PIPOX: variants seen among roughly 807,000 people sequenced by gnomAD.
PIPOX encodes the protein pipecolic acid and sarcosine oxidase, also known as peroxisomal sarcosine oxidase.
Under a neutral mutation model 47.9 loss-of-function variants are expected in PIPOX, and 45 were observed. The observed-to-expected ratio is 0.94, with a 90% confidence interval of 0.74 to 1.20. The LOEUF (loss-of-function observed/expected upper bound fraction) is 1.20, where lower values mean the gene tolerates loss of function less well. PIPOX is among the 50% of genes most tolerant of loss of function. The pLI is 0.00. For synonymous variants in PIPOX, 165 were observed against 191.3 expected (o/e 0.86, Z 1.13); for missense variants, 458 against 498.4 (o/e 0.92, Z 0.77).
chr17:29,044,737 G>A, intron 1 of PIPOX, 122 bp from the exon 2 acceptor site: 1 of 1,012,370 alleles, frequency 9.9e-7, no homozygotes, highest in Non-Finnish European at 1.4e-6. Context: ...TCCCCAGATT[G>A]TGTGGAAATA....
rs201028016 is a variant in PIPOX, at chr17:29,053,526, C to T, written c.591C>T (p.Ser197=). ...CCTCCAGGAGCTACCAAGCTAAGAG[C>T]TTGGTCATCACAGCAGGTCCTTGGA... ...KTTSRSYQAK[S]LVITAGPWTN... The change falls in exon 4 of 8, where the codon AGC becomes AGT. Residue 197 remains serine, a synonymous_variant. Transcript: ENST00000323372. 5.3e-5 allele frequency: 85 copies of T among 1,613,926 alleles called. No homozygotes were observed. Among genetic ancestry groups the T allele is most frequent in the Middle Eastern group, 1.6e-4 (1 of 6,082 alleles).
At chr17:29,044,278 T>C (rs764692839) in intron 1 of PIPOX, 1 of 152,134 alleles carries the variant, frequency 6.6e-6, no homozygotes, top group Non-Finnish European at 1.5e-5. Flanking sequence ...CTGGAAGGTT[T>C]TTTCTAATTT....
In PIPOX at chr17:29,056,252, T is replaced by G; in HGVS notation, c.1120T>G (p.Leu374Val). ...CATGAAATTAACACCATCTTATGAC[T>G]TGGCACCTTTTCGAATCAGCCGTTT... ...LSMKLTPSYDLAPFRISRFPS... is the reference protein window; with the variant it reads ...LSMKLTPSYDVAPFRISRFPS... The change falls in exon 8 of 8, where the codon TTG becomes GTG. Residue 374 changes from leucine (L) to valine (V), a missense_variant. By Grantham distance (32) the Leu-to-Val change is conservative. Coordinates refer to ENST00000323372, the MANE Select transcript of PIPOX (RefSeq NM_016518.3). 1.2e-6 allele frequency: 2 copies of G among 1,614,190 alleles called. No individual in the cohort carries two copies. The highest frequency in any genetic ancestry group is 1.7e-6 in the Non-Finnish European group (2 of 1,180,028).
At chr17:29,045,131 T>C in intron 2 of PIPOX, 124 bp downstream of exon 2, 10 of 1,072,058 alleles carry the variant, frequency 9.3e-6, no homozygotes, top group East Asian at 5.1e-5. Context: ...CCTCAAGAAG[T>C]ACCAGATGCA....
intron 1 of PIPOX, 76 bp from the exon 2 acceptor site, chr17:29,044,783 G>C (rs1230109455): frequency 9.1e-6 from 13 of 1,434,064 alleles, no homozygotes; most frequent in Non-Finnish European, 1.2e-5. Context: ...GACAGCACAT[G>C]CTGATATGGC....
At chr17:29,045,129 A>G in intron 2 of PIPOX, 122 bp downstream of exon 2, 1 of 1,094,062 alleles carries the variant, frequency 9.1e-7, no homozygotes, top group Non-Finnish European at 1.3e-6. Context: ...GGCCTCAAGA[A>G]GTACCAGATG....
At chr17:29,054,080 GCTGAGCCCAGGAGGCTGGC>G (rs2065817601) in intron 4 of PIPOX, among the ~76,000 whole-genome samples, 2 of 152,232 alleles carry the variant, frequency 1.3e-5, no homozygotes, top group South Asian at 2.1e-4. Context: ...TACTTGGGAG[GCTGAGCCCAGGAGGCTGGC>G]CTGAGCCCAG....
Position 29,053,453 on chromosome 17 carries a change from A to G in PIPOX, c.518A>G (p.Glu173Gly), listed in dbSNP as rs536755293. The G allele has an allele frequency of 1.9e-6, 3 of 1,614,042 alleles. No homozygotes were observed. The highest frequency in any genetic ancestry group is 1.7e-5 in the Admixed American group (1 of 59,996). The stretch of plus-strand genomic sequence containing the variant: ...CTAGGAGGCATAGTGCGTGACGGAG[A>G]GAAGGTGGTGGAGATAAACCCAGGG... The part of the protein sequence containing the change: ...RQLGGIVRDG[E>G]KVVEINPGLL... Residue 173 changes from glutamate (E) to glycine (G), a missense_variant, in exon 4 of 8, where the codon GAG (glutamate) becomes GGG (glycine). By Grantham distance (98) the Glu-to-Gly change is moderately conservative (BLOSUM62 -2). Coordinates refer to ENST00000323372, the MANE Select transcript of PIPOX (RefSeq NM_016518.3).
Position 29,054,632 on chromosome 17 carries a change from G to A in PIPOX, c.748G>A (p.Gly250Ser). 6.2e-7 allele frequency: 1 copy of A among 1,614,204 alleles called. No homozygotes were observed. ...GGCCTTTCCGTGCTTCCTGTGGCTG[G>A]GCTTGTGTCCCCACCACATCTACGG... ...SQAFPCFLWL[G>S]LCPHHIYGLP... The change falls in exon 5 of 8, where the codon GGC (glycine) becomes AGC (serine). Residue 250 changes from glycine (G) to serine (S), a missense_variant. By Grantham distance (56) the Gly-to-Ser change is moderately conservative. Coordinates refer to ENST00000323372, the MANE Select transcript of PIPOX (RefSeq NM_016518.3).
In PIPOX at chr17:29,043,156, C is replaced by A; in HGVS notation, c.-70C>A. 3 of 1,263,860 alleles carry A rather than the reference C, an allele frequency of 2.4e-6. No homozygotes were observed. The highest frequency in any genetic ancestry group is 1.5e-5 in the African/African-American group (1 of 68,172). The allele number at this position is 1,263,860 out of a possible 1,614,324, so 78.3% of individuals were successfully genotyped here. ...GCTGGACTTTGCCTTCCTCCTCGTCCTTTAGCCGGGAGCCTGTCTTTGCTT... is the reference window on the plus strand; with the variant it reads ...GCTGGACTTTGCCTTCCTCCTCGTCATTTAGCCGGGAGCCTGTCTTTGCTT... On this transcript the variant is annotated 5_prime_UTR_variant, in exon 1 of 8. Transcript: ENST00000323372.
At chr17:29,056,071 T>A (rs2065826905) in intron 7 of PIPOX, 104 bp from the exon 8 acceptor site, 1 of 1,474,666 alleles carries the variant, frequency 6.8e-7, no homozygotes, top group Non-Finnish European at 9.4e-7. Context: ...GGCTTTGGGA[T>A]GTGACCAGGA....
chr17:29,044,765 T>C, intron 1 of PIPOX, 94 bp from the exon 2 acceptor site: 1 of 1,284,306 alleles, frequency 7.8e-7, no homozygotes, highest in African/African-American at 1.5e-5. Flanking sequence ...GATAAATGGC[T>C]CCTGGTTGAC....
In PIPOX at chr17:29,054,039, A is replaced by G. The variant is rs536834513; in HGVS notation, c.660+444A>G. Among the ~76,000 whole-genome samples the G allele has an allele frequency of 1.7e-3, 256 of 152,140 alleles. 1 individual carries two copies. Among genetic ancestry groups the G allele is most frequent in the Admixed American group, 2.9e-3 (44 of 15,288 alleles). On this transcript the variant is annotated intron_variant, in intron 4 of 7. Transcript: ENST00000323372. ...CTACAAAAACTAAGAAAAATTAGCCAGGTGTAGTGGCGTGTGCTTGTAGTC... is the reference window on the plus strand; with the variant it reads ...CTACAAAAACTAAGAAAAATTAGCCGGGTGTAGTGGCGTGTGCTTGTAGTC...
At chr17:29,043,792 C>A (rs1227709754) in intron 1 of PIPOX, among the ~76,000 whole-genome samples, 1 of 152,040 alleles carries the variant, frequency 6.6e-6, no homozygotes, top group East Asian at 1.9e-4. Context: ...ACACCAGAAC[C>A]CAGCAGAAGC....
intron 6 of PIPOX, 139 bp downstream of exon 6, chr17:29,055,360 TG>T: frequency 1.0e-6 from 1 of 978,286 alleles, no homozygotes; most frequent in Non-Finnish European, 1.5e-6. Flanking sequence ...CTCATTTCTG[TG>T]GGTAGGTTCA....
In PIPOX at chr17:29,055,945, G is replaced by A. The variant is rs1169637433; in HGVS notation, c.1042+57G>A. On this transcript the variant is annotated intron_variant, in intron 7 of 7. Transcript: ENST00000323372. The stretch of plus-strand genomic sequence containing the variant: ...TAAAGCTGACCTACCTCAGTGCCAG[G>A]TGAAATGGTATTTTCCACACTCTTA... The A allele has an allele frequency of 1.1e-5, 17 of 1,487,790 alleles. No individual in the cohort carries two copies. In the South Asian group the frequency reaches 1.2e-4, roughly 11 times the overall value. 92.2% of individuals were successfully genotyped at this position (1,487,790 alleles called of 1,614,324 possible).
intron 2 of PIPOX, among the ~76,000 whole-genome samples, chr17:29,049,219 C>G (rs1015917207): frequency 4.6e-5 from 7 of 152,154 alleles, no homozygotes; most frequent in Non-Finnish European, 1.5e-5. Flanking sequence ...GATGGGCATT[C>G]TGGGAGGTGG....
In PIPOX at chr17:29,056,482, C is replaced by T; in HGVS notation, c.*177C>T. 1.4e-6 allele frequency: 1 copy of T among 693,384 alleles called. No homozygotes were observed. Among genetic ancestry groups the T allele is most frequent in the Non-Finnish European group, 2.4e-6 (1 of 422,386 alleles). The allele number at this position is 693,384 out of a possible 1,614,324, so 43.0% of individuals were successfully genotyped here. A position where few individuals can be genotyped will look rare whatever the true frequency, so the allele number is the denominator to read the frequency against. On this transcript the variant is annotated 3_prime_UTR_variant, in exon 8 of 8. Transcript: ENST00000323372. ...TTCCTTGGCCCGCTCCCTTTTTCTT[C>T]TGCCTCACTTGAATCCCCCGTAAAC...
rs762738683 is a variant in PIPOX at position 29,053,540 on chromosome 17, CA to C, written c.606del (p.Gly203ValfsTer65). The C allele has an allele frequency of 2.5e-6, 4 of 1,613,802 alleles. 1 individual carries two copies. On this transcript the variant is annotated frameshift_variant, in exon 4 of 8. Coordinates refer to ENST00000323372, the MANE Select transcript of PIPOX (RefSeq NM_016518.3). LOFTEE classifies it high-confidence loss of function. Reference sequence around the variant, plus strand: ...CAAGCTAAGAGCTTGGTCATCACAGCAGGTCCTTGGACCAACCAGCTCCTCC... The same window carrying C: ...CAAGCTAAGAGCTTGGTCATCACAGCGGTCCTTGGACCAACCAGCTCCTCC... ...SYQAKSLVITAGPWTNQLLRP... is the reference protein window; with the variant it reads ...SYQAKSLVITXGPWTNQLLRP...
Sources: allele counts gnomAD v4.1 joint callset (sites outside exome capture counted in the v4.1 genomes callset), GRCh38; gene constraint gnomAD v4.1.1; transcripts MANE v1.5; gene names NCBI Gene and HGNC (gene_info 2026-07-23, HGNC 2026-07-21).